GPAT4: variants seen among roughly 807,000 people sequenced by gnomAD.
GPAT4 encodes glycerol-3-phosphate acyltransferase 4.
GPAT4 carries 17 observed loss-of-function variants against 58.0 expected under a neutral mutation model. The ratio of observed to expected loss-of-function variants is 0.29; its 90% confidence interval spans 0.20 to 0.44. GPAT4 has a LOEUF of 0.44. Ranked by LOEUF, GPAT4 falls within the 20% of genes least tolerant of loss-of-function variation. The probability of loss-of-function intolerance (pLI) is 1.00; values close to 1 mark genes in which losing one functional copy is unlikely to be tolerated. For synonymous variants in GPAT4, 204 were observed against 210.1 expected (o/e 0.97, Z 0.25); for missense variants, 377 against 574.5 (o/e 0.66, Z 3.51).
intron 1 of GPAT4, among the ~76,000 whole-genome samples, chr8:41,583,234 A>AT (rs1802569589): frequency 6.9e-6 from 1 of 145,426 alleles, no homozygotes; most frequent in African/African-American, 2.8e-5. Flanking sequence ...AAAAAAAAAT[A>AT]ATATATATAT....
intron 8 of GPAT4, among the ~76,000 whole-genome samples, chr8:41,613,165 G>C (rs1449709240): frequency 6.6e-6 from 1 of 152,142 alleles, no homozygotes; most frequent in Non-Finnish European, 1.5e-5. Context: ...GGGAGGCCGA[G>C]GTGGGCGGAT....
At chr8:41,592,359 T>C (rs1802811934) in intron 1 of GPAT4, among the ~76,000 whole-genome samples, 3 of 152,190 alleles carry the variant, frequency 2.0e-5, no homozygotes, top group African/African-American at 7.2e-5. Flanking sequence ...TGGATTCCTT[T>C]CTGTGTGATT....
rs936274408 is a variant in GPAT4 at position 41,618,587 on chromosome 8, A to G, written c.1054-97A>G. 4.0e-6 allele frequency: 6 copies of G among 1,481,966 alleles called. No individual in the cohort carries two copies. In the African/African-American group the frequency reaches 4.1e-5, roughly 10 times the overall value. The allele number at this position is 1,481,966 out of a possible 1,614,324, so 91.8% of individuals were successfully genotyped here. ...GGTCAGGGAGCAGCACCCCAGTACCAGCACGGCCCAGTGGAGTCACTCACA... is the reference window on the plus strand; with the variant it reads ...GGTCAGGGAGCAGCACCCCAGTACCGGCACGGCCCAGTGGAGTCACTCACA... On this transcript the variant is annotated intron_variant, in intron 10 of 12. Coordinates refer to ENST00000396987, the MANE Select transcript of GPAT4 (RefSeq NM_178819.4).
chr8:41,594,217 TCTTTAA>T (rs946163798), intron 1 of GPAT4, among the ~76,000 whole-genome samples: 98 of 152,318 alleles, frequency 6.4e-4, no homozygotes, highest in African/African-American at 2.1e-3. Flanking sequence ...GGATGATACC[TCTTTAA>T]CTTTAGCCAA....
chr8:41,599,298 C>A lies in GPAT4; in HGVS notation c.159C>A (p.Ile53=), dbSNP rs1435720633. The A allele has an allele frequency of 2.5e-6, 4 of 1,613,950 alleles. No individual in the cohort carries two copies. In the Admixed American group the frequency reaches 5.0e-5, roughly 20 times the overall value. ...RKLYMKSLLK[I]FAWATLRMER... is the part of the protein sequence containing the mutation. ...TCTACATGAAAAGTCTGTTAAAAAT[C>A]TTTGCGGTAAGTTATGCTGTTACAA... The change falls in exon 2 of 13, where the codon ATC becomes ATA. Residue 53 remains isoleucine (I), a synonymous_variant. Coordinates refer to ENST00000396987, the MANE Select transcript of GPAT4 (RefSeq NM_178819.4).
At chr8:41,612,511 G>A (rs1326626112) in intron 7 of GPAT4, among the ~76,000 whole-genome samples, 1 of 151,134 alleles carries the variant, frequency 6.6e-6, no homozygotes, top group African/African-American at 2.4e-5. Flanking sequence ...GGCAGAGGGA[G>A]TTGCTGGCAA....
chr8:41,617,312 C>T (rs947209289), intron 10 of GPAT4, among the ~76,000 whole-genome samples: 3 of 151,968 alleles, frequency 2.0e-5, no homozygotes, highest in African/African-American at 4.8e-5. Flanking sequence ...TGCAGTGAGC[C>T]GAGATAGCGC....
intron 3 of GPAT4, 79 bp downstream of exon 3, chr8:41,609,564 C>T (rs755004132): frequency 4.4e-6 from 7 of 1,600,446 alleles, no homozygotes; most frequent in Admixed American, 1.7e-5. Flanking sequence ...CACACACGCT[C>T]TTCCCTGCAT....
intron 1 of GPAT4, among the ~76,000 whole-genome samples, chr8:41,589,469 G>A (rs1243921176): frequency 6.6e-6 from 1 of 152,168 alleles, no homozygotes; most frequent in African/African-American, 2.4e-5. Flanking sequence ...ATAAGGGGCA[G>A]ATAGTGAGTA....
rs146536679 is a variant in GPAT4 at position 41,585,924 on chromosome 8, A to G, written c.-849+7646A>G. ...AGGTGAAGGTCTCCCTATGCAGCCT[A>G]TTCTTTTTGAACAACTTAATCTTAG... On this transcript the variant is annotated intron_variant, in intron 1 of 12. Transcript: ENST00000396987. 3.8e-3 allele frequency among the ~76,000 whole-genome samples: 585 copies of G among 152,384 alleles called. 5 individuals are homozygous for G. The highest frequency in any genetic ancestry group is 0.017 in the Middle Eastern group (5 of 294).
chr8:41,613,385 TAAAAA>T (rs1273350843), intron 8 of GPAT4, among the ~76,000 whole-genome samples: 1 of 148,296 alleles, frequency 6.7e-6, no homozygotes, highest in Non-Finnish European at 1.5e-5. Flanking sequence ...GACTCTGTCT[TAAAAA>T]AAAAAGTATA....
chr8:41,586,943 G>A (rs1371207702), intron 1 of GPAT4, among the ~76,000 whole-genome samples: 6 of 152,104 alleles, frequency 3.9e-5, no homozygotes, highest in African/African-American at 1.4e-4. Context: ...ATTTCATCTG[G>A]GCTGAGGCCC....
chr8:41,592,244 T>G (rs10958691), intron 1 of GPAT4, among the ~76,000 whole-genome samples: 85,093 of 152,018 alleles, frequency 0.56, 24,512 homozygotes, highest in Middle Eastern at 0.71. Flanking sequence ...GTAATTTGGC[T>G]TAAGCTCTAT....
chr8:41,598,985 A>G lies in GPAT4; in HGVS notation c.-155A>G, dbSNP rs927913739. ...CTGTCATTCTGTTCCCAGGCCTTCT[A>G]TTCAGGCGGTTGAAGGGTGTGGACT... is the stretch of plus-strand genomic sequence containing the variant. On this transcript the variant is annotated 5_prime_UTR_variant, in exon 2 of 13. Coordinates refer to ENST00000396987, the MANE Select transcript of GPAT4 (RefSeq NM_178819.4). 8 of 977,994 alleles carry G rather than the reference A, an allele frequency of 8.2e-6. No individual in the cohort carries two copies. The highest frequency in any genetic ancestry group is 6.6e-5 in the African/African-American group (4 of 60,516). 60.6% of individuals were successfully genotyped at this position (977,994 alleles called of 1,614,324 possible).
At chr8:41,585,834 G>C (rs1802638082) in intron 1 of GPAT4, among the ~76,000 whole-genome samples, 2 of 152,154 alleles carry the variant, frequency 1.3e-5, no homozygotes, top group Admixed American at 6.5e-5. Flanking sequence ...GTTTCAGGAA[G>C]GATTTTTAAA....
chr8:41,595,092 A>G (rs896295958), intron 1 of GPAT4, among the ~76,000 whole-genome samples: 7 of 150,748 alleles, frequency 4.6e-5, no homozygotes, highest in African/African-American at 1.5e-4. Context: ...TAAGTTTGGG[A>G]TTTTAATTAT....
rs1043150010 is a variant in GPAT4 at position 41,621,670 on chromosome 8, G to A, written c.*669G>A. 6.6e-6 allele frequency: 1 copy of A among 152,422 alleles called. No individual in the cohort carries two copies. The highest frequency in any genetic ancestry group is 1.5e-5 in the Non-Finnish European group (1 of 68,182). The allele number at this position is 152,422 out of a possible 1,614,324, so 9.4% of individuals were successfully genotyped here. ...GCTAACCCTGAACTCCCCATGTGAT[G>A]CGCGCTTTGTTGAATGTGTGTCTCG... On this transcript the variant is annotated 3_prime_UTR_variant, in exon 13 of 13. Transcript: ENST00000396987.
At chr8:41,591,877 A>G (rs1049042862) in intron 1 of GPAT4, among the ~76,000 whole-genome samples, 7 of 152,260 alleles carry the variant, frequency 4.6e-5, no homozygotes, top group Non-Finnish European at 7.3e-5. Flanking sequence ...TCAAGAGCCA[A>G]TCTATTTTGA....
At chr8:41,617,964 G>A (rs1389271741) in intron 10 of GPAT4, among the ~76,000 whole-genome samples, 1 of 152,156 alleles carries the variant, frequency 6.6e-6, no homozygotes, top group Non-Finnish European at 1.5e-5. Context: ...CCAGCTACTT[G>A]TTTGGTGAGA....
Sources: allele counts gnomAD v4.1 joint callset (sites outside exome capture counted in the v4.1 genomes callset), GRCh38; gene constraint gnomAD v4.1.1; transcripts MANE v1.5; gene names NCBI Gene and HGNC (gene_info 2026-07-23, HGNC 2026-07-21).